The following GRIP1 variants were observed in gnomAD, a reference collection of about 807,000 sequenced individuals.
The protein encoded by GRIP1 is glutamate receptor interacting protein 1.
Under a neutral mutation model 129.9 loss-of-function variants are expected in GRIP1, and 45 were observed. That is an observed-to-expected ratio of 0.35 (90% CI 0.27 to 0.44). The LOEUF (loss-of-function observed/expected upper bound fraction) is 0.44. GRIP1 is among the 20% of genes least tolerant of loss of function. The pLI is 1.00. For synonymous variants in GRIP1, 530 were observed against 520.8 expected (o/e 1.02, Z -0.24); for missense variants, 1,196 against 1,396.8 (o/e 0.86, Z 2.29).
intron 1 of GRIP1, among the ~76,000 whole-genome samples, chr12:67,008,224 A>G (rs2042655776): frequency 6.6e-6 from 1 of 152,230 alleles, no homozygotes; most frequent in Non-Finnish European, 1.5e-5. Context: ...AAAAGGGGGT[A>G]CTGCCCCGTT....
intron 1 of GRIP1, among the ~76,000 whole-genome samples, chr12:66,794,994 G>A (rs973950103): frequency 4.6e-5 from 7 of 152,112 alleles, no homozygotes; most frequent in South Asian, 2.1e-4. Context: ...CTGAGCACCC[G>A]TACATCTCAC....
chr12:66,379,969 G>A (rs1332216541), intron 19 of GRIP1, among the ~76,000 whole-genome samples: 2 of 151,768 alleles, frequency 1.3e-5, no homozygotes, highest in Non-Finnish European at 2.9e-5. Context: ...ACAGTGGTAC[G>A]ATCTCGCCCC....
chr12:66,970,913 G>C (rs890652400), intron 1 of GRIP1, among the ~76,000 whole-genome samples: 1 of 152,098 alleles, frequency 6.6e-6, no homozygotes, highest in Non-Finnish European at 1.5e-5. Context: ...CTTTATCATA[G>C]AGAACATTCT....
At chr12:66,748,828 C>A (rs1008358364) in intron 1 of GRIP1, among the ~76,000 whole-genome samples, 2 of 152,100 alleles carry the variant, frequency 1.3e-5, no homozygotes, top group African/African-American at 4.8e-5. Flanking sequence ...ATTTTTAAAC[C>A]AATTGTTTAA....
intron 1 of GRIP1, among the ~76,000 whole-genome samples, chr12:66,691,623 T>A (rs1184884306): frequency 6.6e-6 from 1 of 152,210 alleles, no homozygotes; most frequent in Non-Finnish European, 1.5e-5. Context: ...GAAAGTTTGG[T>A]TCTAAGTCCC....
In GRIP1 at chr12:66,450,117, C is replaced by A. The variant is rs190837256; in HGVS notation, c.1355-4609G>T. Among the ~76,000 whole-genome samples the A allele has an allele frequency of 3.2e-3, 481 of 151,266 alleles. 3 individuals carry two copies. The highest frequency in any genetic ancestry group is 0.011 in the African/African-American group (457 of 41,238). ...AAATTGAGACCATCCTGACTAACAGCGTGAAACCCCATCTCTACTAAAAAT... is the reference window on the plus strand; with the variant it reads ...AAATTGAGACCATCCTGACTAACAGAGTGAAACCCCATCTCTACTAAAAAT... On this transcript the variant is annotated intron_variant, in intron 11 of 24. Coordinates refer to ENST00000359742, the MANE Select transcript of GRIP1 (RefSeq NM_001366722.1).
At chr12:66,589,894 C>T (rs2063789865) in intron 2 of GRIP1, among the ~76,000 whole-genome samples, 1 of 152,084 alleles carries the variant, frequency 6.6e-6, no homozygotes, top group East Asian at 1.9e-4. Flanking sequence ...CTTCACTTTC[C>T]TCAGTGCCAA....
At chr12:66,701,210 T>C (rs976897805) in intron 1 of GRIP1, among the ~76,000 whole-genome samples, 2 of 152,138 alleles carry the variant, frequency 1.3e-5, no homozygotes, top group Non-Finnish European at 2.9e-5. Context: ...TCCAAAGTGT[T>C]CTTCTGGGAC....
At chr12:66,786,329 CAT>C (rs1256769821) in intron 1 of GRIP1, among the ~76,000 whole-genome samples, 4 of 152,132 alleles carry the variant, frequency 2.6e-5, no homozygotes, top group African/African-American at 7.2e-5. Flanking sequence ...TGGCCACACA[CAT>C]GAGATGCATG....
At chr12:66,364,265 C>CAAAAAAAAAAAAAAAAAAAA (rs1159887365) in intron 23 of GRIP1, among the ~76,000 whole-genome samples, 3 of 16,342 alleles carry the variant, frequency 1.8e-4, no homozygotes, top group African/African-American at 2.4e-4. Flanking sequence ...GACTCCATCT[C>CAAAAAAAAAAAAAAAAAAAA]AAAAAAAAAA....
At chr12:67,047,578 C>A (rs2043273910) in intron 1 of GRIP1, among the ~76,000 whole-genome samples, 1 of 152,118 alleles carries the variant, frequency 6.6e-6, no homozygotes, top group Admixed American at 6.6e-5. Context: ...TCCTCAGCAT[C>A]CAAATAATGC....
chr12:66,634,062 T>C (rs1207255595), intron 1 of GRIP1, among the ~76,000 whole-genome samples: 1 of 152,244 alleles, frequency 6.6e-6, no homozygotes, highest in African/African-American at 2.4e-5. Context: ...TGTTGTGTTA[T>C]ACTTCATTAG....
At chr12:67,042,705 T>C (rs2043198098) in intron 1 of GRIP1, among the ~76,000 whole-genome samples, 1 of 152,124 alleles carries the variant, frequency 6.6e-6, no homozygotes, top group Non-Finnish European at 1.5e-5. Context: ...GAGGACAATT[T>C]AGTGGTGAGA....
intron 1 of GRIP1, among the ~76,000 whole-genome samples, chr12:66,860,852 C>G (rs964312837): frequency 6.6e-6 from 1 of 151,984 alleles, no homozygotes; most frequent in Non-Finnish European, 1.5e-5. Context: ...TTTGAGTGAA[C>G]GACATGCTAG....
intron 1 of GRIP1, among the ~76,000 whole-genome samples, chr12:66,799,469 A>G (rs2038797266): frequency 6.6e-6 from 1 of 152,120 alleles, no homozygotes; most frequent in South Asian, 2.1e-4. Context: ...TGATCCCACT[A>G]TTTTTAACAT....
chr12:67,057,934 T>A (rs2043466111), intron 1 of GRIP1, among the ~76,000 whole-genome samples: 1 of 152,252 alleles, frequency 6.6e-6, no homozygotes, highest in South Asian at 2.1e-4. Flanking sequence ...TGAATTCATC[T>A]GTAAAATGCA....
intron 14 of GRIP1, among the ~76,000 whole-genome samples, chr12:66,427,828 T>C (rs2058032784): frequency 1.3e-5 from 2 of 152,352 alleles, no homozygotes; most frequent in East Asian, 3.9e-4. Flanking sequence ...AAAGCCCTGC[T>C]TCTTTAACCA....
At chr12:66,593,839 T>A (rs11176301) in intron 2 of GRIP1, among the ~76,000 whole-genome samples, 2 of 151,792 alleles carry the variant, frequency 1.3e-5, no homozygotes, top group African/African-American at 4.8e-5. Context: ...GAGGCTGAGG[T>A]GGGCGGATCA....
At chr12:66,550,436 G>A (rs1458796803) in intron 2 of GRIP1, among the ~76,000 whole-genome samples, 1 of 152,128 alleles carries the variant, frequency 6.6e-6, no homozygotes, top group Admixed American at 6.6e-5. Context: ...TATTTTGATT[G>A]TTATGAATAT....
Sources: allele counts gnomAD v4.1 joint callset (sites outside exome capture counted in the v4.1 genomes callset), GRCh38; gene constraint gnomAD v4.1.1; transcripts MANE v1.5; gene names NCBI Gene and HGNC (gene_info 2026-07-23, HGNC 2026-07-21).